The following FER variants were observed in gnomAD, a reference collection of about 807,000 sequenced individuals.
The protein encoded by FER is FER tyrosine kinase, also known as tyrosine-protein kinase Fer.
In FER, 63 loss-of-function variants were observed where a neutral mutation model predicts 111.0. The ratio of observed to expected loss-of-function variants is 0.57; its 90% CI spans 0.46 to 0.70. FER has a LOEUF of 0.70. Among genes scored for constraint, FER ranks in the 30% least tolerant of loss-of-function variants. The pLI, the probability that FER is intolerant of heterozygous loss-of-function variation, is 0.00. For missense variants in FER, 914 were observed against 954.0 expected (o/e 0.96, Z 0.55); for synonymous variants, 327 against 313.9 (o/e 1.04, Z -0.44).
At chr5:108,836,845 T>C (rs1484408830) in intron 5 of FER, among the ~76,000 whole-genome samples, 1 of 152,002 alleles carries the variant, frequency 6.6e-6, no homozygotes, top group African/African-American at 2.4e-5. Context: ...TTGGACTCCC[T>C]GTTTGTCCCC....
intron 6 of FER, among the ~76,000 whole-genome samples, chr5:108,870,603 A>G (rs911051278): frequency 2.6e-5 from 4 of 151,946 alleles, no homozygotes; most frequent in African/African-American, 9.7e-5. Flanking sequence ...ACTTCACAAT[A>G]AGGGAGCTTT....
intron 11 of FER, 123 bp from the exon 12 acceptor site, chr5:108,954,606 C>T (rs1581378584): frequency 1.4e-6 from 1 of 729,412 alleles, no homozygotes; most frequent in East Asian, 2.8e-5. Flanking sequence ...TATTGTATAA[C>T]TTTTAATTGG....
intron 10 of FER, among the ~76,000 whole-genome samples, chr5:108,910,446 G>T (rs1433539888): frequency 2.0e-5 from 3 of 152,004 alleles, no homozygotes; most frequent in Non-Finnish European, 4.4e-5. Context: ...CTATTCTTTG[G>T]AAGGCTTTTA....
intron 13 of FER, among the ~76,000 whole-genome samples, chr5:108,998,657 T>G (rs888811951): frequency 6.6e-6 from 1 of 152,262 alleles, no homozygotes; most frequent in African/African-American, 2.4e-5. Context: ...TTGAGAGTTT[T>G]TAACATGAAG....
intron 3 of FER, among the ~76,000 whole-genome samples, chr5:108,808,145 A>G (rs1055797785): frequency 6.6e-6 from 1 of 152,078 alleles, no homozygotes; most frequent in Non-Finnish European, 1.5e-5. Flanking sequence ...CAGTTGGTCA[A>G]GTGTTGAATT....
intron 13 of FER, among the ~76,000 whole-genome samples, chr5:109,015,232 G>A (rs774877914): frequency 2.6e-5 from 4 of 151,958 alleles, no homozygotes; most frequent in African/African-American, 7.2e-5. Context: ...CAGTAGTGTC[G>A]TTCCATTTTG....
chr5:108,820,284 G>T, intron 3 of FER: 1 of 985,400 alleles, frequency 1.0e-6, no homozygotes, highest in Non-Finnish European at 1.2e-6. Context: ...AATAGGAAAA[G>T]ATCACAGGAT....
Position 108,976,417 on chromosome 5 carries a change from A to G in FER, c.1656+17070A>G, listed in dbSNP as rs554665013. On this transcript the variant is annotated intron_variant, in intron 13 of 19. Transcript: ENST00000281092. The stretch of plus-strand genomic sequence containing the variant: ...CCTCTTTGTCTCATCAAGGTTTTCT[A>G]AGGTGGGATCCTAGTTCACCTGCCC... Among the ~76,000 whole-genome samples the G allele has an allele frequency of 1.6e-3, 244 of 152,206 alleles. 2 individuals are homozygous for G. The highest frequency in any genetic ancestry group is 2.6e-3 in the Non-Finnish European group (176 of 68,014).
At position 109,170,241 on chromosome 5, in the gene FER, A is replaced by G. The variant is rs563969652; in HGVS notation, c.2049-10506A>G. The stretch of plus-strand genomic sequence containing the variant: ...AAATGCATATTTTAGTCCTCCCAAT[A>G]TATTCTTATTCCATAGCCTAAGTGC... On this transcript the variant is annotated intron_variant, in intron 17 of 19. Coordinates refer to ENST00000281092, the MANE Select transcript of FER (RefSeq NM_005246.4). Among the ~76,000 whole-genome samples, 88 of 152,304 alleles carry G rather than the reference A, an allele frequency of 5.8e-4. 2 individuals carry two copies. In the South Asian group the frequency reaches 0.017, roughly 30 times the overall value.
At chr5:108,873,879 A>G (rs928281750) in intron 8 of FER, among the ~76,000 whole-genome samples, 1 of 152,120 alleles carries the variant, frequency 6.6e-6, no homozygotes, top group African/African-American at 2.4e-5. Flanking sequence ...AGGCTGAGAG[A>G]CTCTGCTTTA....
At chr5:109,006,994 G>C (rs1346631385) in intron 13 of FER, among the ~76,000 whole-genome samples, 2 of 152,044 alleles carry the variant, frequency 1.3e-5, no homozygotes, top group Non-Finnish European at 2.9e-5. Flanking sequence ...ACATGCTATG[G>C]GACCTGTGCT....
At chr5:109,118,376 A>C (rs145081535) in intron 17 of FER, among the ~76,000 whole-genome samples, 16,028 of 152,148 alleles carry the variant, frequency 0.11, 857 homozygotes, top group Non-Finnish European at 0.12. Context: ...ATGGTGGATA[A>C]GCTTTTTGAT....
At chr5:109,172,134 G>C (rs1474492603) in intron 17 of FER, among the ~76,000 whole-genome samples, 1 of 152,016 alleles carries the variant, frequency 6.6e-6, no homozygotes, top group Non-Finnish European at 1.5e-5. Context: ...CCATTACTGG[G>C]TATATACCCA....
intron 13 of FER, among the ~76,000 whole-genome samples, chr5:108,971,560 T>C (rs1189742767): frequency 1.3e-5 from 2 of 152,182 alleles, no homozygotes; most frequent in Non-Finnish European, 2.9e-5. Context: ...CTTGGGATTT[T>C]AGATAACAGT....
At chr5:108,897,129 A>C (rs1296882495) in intron 9 of FER, among the ~76,000 whole-genome samples, 1 of 152,194 alleles carries the variant, frequency 6.6e-6, no homozygotes, top group Non-Finnish European at 1.5e-5. Context: ...TGTTTTACTC[A>C]TTCCTCCAGT....
chr5:109,144,817 A>G (rs904822836), intron 17 of FER, among the ~76,000 whole-genome samples: 1 of 152,132 alleles, frequency 6.6e-6, no homozygotes, highest in African/African-American at 2.4e-5. Flanking sequence ...TATGAGGACA[A>G]ATACAAATAT....
At chr5:108,924,042 G>C (rs1427945833) in intron 10 of FER, among the ~76,000 whole-genome samples, 1 of 151,258 alleles carries the variant, frequency 6.6e-6, no homozygotes, top group African/African-American at 2.4e-5. Context: ...AATAAAATCA[G>C]GTATTTTATT....
At chr5:109,037,511 T>C in intron 14 of FER, 33 bp downstream of exon 14, 1 of 1,573,930 alleles carries the variant, frequency 6.4e-7, no homozygotes, top group Non-Finnish European at 8.7e-7. Flanking sequence ...TAACCAGAAG[T>C]CTCTATATTG....
intron 13 of FER, among the ~76,000 whole-genome samples, chr5:109,009,050 T>A (rs1307819715): frequency 6.7e-6 from 1 of 148,682 alleles, no homozygotes; most frequent in East Asian, 2.0e-4. Context: ...CAGTCTTTTT[T>A]TTTTTTTTTT....
Sources: allele counts gnomAD v4.1 joint callset (sites outside exome capture counted in the v4.1 genomes callset), GRCh38; gene constraint gnomAD v4.1.1; transcripts MANE v1.5; gene names NCBI Gene and HGNC (gene_info 2026-07-23, HGNC 2026-07-21).